The following CLK3 variants were observed in gnomAD, a reference collection of about 807,000 sequenced individuals.
CLK3 encodes dual specificity protein kinase CLK3.
Under a neutral mutation model 65.2 loss-of-function variants are expected in CLK3, and 24 were observed. That is an observed-to-expected ratio of 0.37 (90% confidence interval 0.27 to 0.52). The LOEUF is 0.52. Ranked by LOEUF, CLK3 falls within the 20% of genes least tolerant of loss-of-function variation. The pLI, the probability that CLK3 is intolerant of heterozygous loss-of-function variation, is 0.92. For missense variants in CLK3, 506 were observed against 660.0 expected, an observed-to-expected ratio of 0.77 and a Z score of 2.56; for synonymous variants, 252 against 240.8, an observed-to-expected ratio of 1.05 and a Z score of -0.43.
chr15:74,628,787 A>C, intron 11 of CLK3, 104 bp downstream of exon 11: 1 of 1,101,078 alleles, frequency 9.1e-7, no homozygotes, highest in East Asian at 2.4e-5. Flanking sequence ...TGGACAGTCC[A>C]TGGTTCCGCA....
chr15:74,622,302 G>C lies in CLK3; in HGVS notation c.466+86G>C. ...CCTCTCCTGCCTGGAGGGGCCTCTA[G>C]TGCGCGTGGTGCCTTAGCGGGGCCA... is the stretch of plus-strand genomic sequence containing the variant. On this transcript the variant is annotated intron_variant, in intron 4 of 12. Transcript: ENST00000395066. The surrounding 1 kb of genome is among the most constrained non-coding windows in gnomAD (Gnocchi z 4.6). The C allele has an allele frequency of 1.5e-6, 2 of 1,304,442 alleles. No homozygotes were observed. Among genetic ancestry groups the C allele is most frequent in the East Asian group, 2.3e-5 (1 of 42,846 alleles). 80.8% of individuals were successfully genotyped at this position (1,304,442 alleles called of 1,614,324 possible). A position where few individuals can be genotyped will look rare whatever the true frequency, so the allele number is the denominator to read the frequency against.
chr15:74,622,857 C>T lies in CLK3; in HGVS notation c.533+297C>T, dbSNP rs2062114451. The stretch of plus-strand genomic sequence containing the variant: ...TGTGGTGGTGGATATCAGAACAGGG[C>T]CAAGGCCCCGGCTCCCCTGTGGCTT... On this transcript the variant is annotated intron_variant, in intron 5 of 12. Coordinates refer to ENST00000395066, the MANE Select transcript of CLK3 (RefSeq NM_001130028.2). The surrounding 1 kb of genome is among the most constrained non-coding windows in gnomAD (Gnocchi z 4.6). Among the ~76,000 whole-genome samples the T allele has an allele frequency of 6.6e-6, 1 of 152,122 alleles. No homozygotes were observed. Among genetic ancestry groups the T allele is most frequent in the African/African-American group, 2.4e-5 (1 of 41,406 alleles).
intron 5 of CLK3, among the ~76,000 whole-genome samples, chr15:74,623,147 C>G (rs2062116709): frequency 6.6e-6 from 1 of 152,210 alleles, no homozygotes; most frequent in Admixed American, 6.5e-5. Flanking sequence ...ACCTCACTCT[C>G]TCCCAAGCCC....
At chr15:74,614,330 T>A (rs2062027897), upstream of CLK3, among the ~76,000 whole-genome samples, 1 of 152,174 alleles carries the variant, frequency 6.6e-6, no homozygotes. Context: ...TGTTTATTTT[T>A]TGAGACAGGG....
Position 74,622,318 on chromosome 15 carries a change from A to G in CLK3, c.466+102A>G. The G allele has an allele frequency of 8.5e-7, 1 of 1,170,038 alleles. No individual in the cohort carries two copies. Among genetic ancestry groups the G allele is most frequent in the Non-Finnish European group, 1.2e-6 (1 of 805,260 alleles). The allele number at this position is 1,170,038 out of a possible 1,614,324, so 72.5% of individuals were successfully genotyped here. ...GGGCCTCTAGTGCGCGTGGTGCCTTAGCGGGGCCACCAGTAATTGCCTGAA... is the reference window on the plus strand; with the variant it reads ...GGGCCTCTAGTGCGCGTGGTGCCTTGGCGGGGCCACCAGTAATTGCCTGAA... On this transcript the variant is annotated intron_variant, in intron 4 of 12. Transcript: ENST00000395066. The surrounding 1 kb of genome is among the most constrained non-coding windows in gnomAD (Gnocchi z 4.6).
At position 74,627,765 on chromosome 15, in the gene CLK3, G is replaced by C; in HGVS notation, c.1042+97G>C. On this transcript the variant is annotated intron_variant, in intron 9 of 12. Transcript: ENST00000395066. This position sits in a 1 kb window ranked among gnomAD's most constrained non-coding sequence, Gnocchi z 4.3. ...CATGCCTGTCATTCTCTGCCACCCA[G>C]GGCAGGCAGAGTTTCTCAGACCAAG... 6.5e-7 allele frequency: 1 copy of C among 1,545,916 alleles called. No homozygotes were observed. The highest frequency in any genetic ancestry group is 8.9e-7 in the Non-Finnish European group (1 of 1,126,892).
At chr15:74,625,226 C>T (rs1485400703) in intron 6 of CLK3, among the ~76,000 whole-genome samples, 8 of 152,140 alleles carry the variant, frequency 5.3e-5, no homozygotes, top group Admixed American at 5.2e-4. Context: ...GCCTCCCAGC[C>T]CTGCGTTTTG....
Position 74,627,926 on chromosome 15 carries a change from G to GT in CLK3, c.1043-44_1043-43insT. 2 of 1,479,368 alleles carry GT rather than the reference G, an allele frequency of 1.4e-6. No individual in the cohort carries two copies. The highest frequency in any genetic ancestry group is 1.9e-6 in the Non-Finnish European group (2 of 1,057,670). The allele number at this position is 1,479,368 out of a possible 1,614,324, so 91.6% of individuals were successfully genotyped here. A position where few individuals can be genotyped will look rare whatever the true frequency, so the allele number is the denominator to read the frequency against. On this transcript the variant is annotated intron_variant, in intron 9 of 12. Coordinates refer to ENST00000395066, the MANE Select transcript of CLK3 (RefSeq NM_001130028.2). The surrounding 1 kb of genome is among the most constrained non-coding windows in gnomAD (Gnocchi z 4.3). ...CTGCCTTGTGACTTCCAGGCTGGAA[G>GT]CATAAGGCCGGATCTCACAGCCTCT...
chr15:74,626,789 C>T (rs1419129073), intron 7 of CLK3, among the ~76,000 whole-genome samples: 1 of 152,128 alleles, frequency 6.6e-6, no homozygotes, highest in Admixed American at 6.5e-5. Context: ...TGACTACTAG[C>T]AAGAAGCCAC....
In CLK3 at chr15:74,629,037, GT is replaced by G; in HGVS notation, c.1296+8del. 2 of 1,608,274 alleles carry G rather than the reference GT, an allele frequency of 1.2e-6. No homozygotes were observed. The highest frequency in any genetic ancestry group is 1.7e-6 in the Non-Finnish European group (2 of 1,174,620). On this transcript the variant is annotated splice_donor_region_variant and intron_variant, in intron 12 of 12. Coordinates refer to ENST00000395066, the MANE Select transcript of CLK3 (RefSeq NM_001130028.2). Reference sequence around the variant, plus strand: ...GAGAACTGCAAACCTCTGAAGGTCAGTTTCTGGCTACCCCCAGCTGAACTCA... The same window carrying G: ...GAGAACTGCAAACCTCTGAAGGTCAGTTCTGGCTACCCCCAGCTGAACTCA...
In CLK3 at chr15:74,622,345, G is replaced by A; in HGVS notation, c.466+129G>A. The A allele has an allele frequency of 9.7e-7, 1 of 1,031,296 alleles. No individual in the cohort carries two copies. The highest frequency in any genetic ancestry group is 1.5e-6 in the Non-Finnish European group (1 of 684,460). The allele number at this position is 1,031,296 out of a possible 1,614,324, so 63.9% of individuals were successfully genotyped here. A position where few individuals can be genotyped will look rare whatever the true frequency, so the allele number is the denominator to read the frequency against. ...CGGGGCCACCAGTAATTGCCTGAAT[G>A]ACACAGACACTAGCAACTTCCATTT... On this transcript the variant is annotated intron_variant, in intron 4 of 12. Coordinates refer to ENST00000395066, the MANE Select transcript of CLK3 (RefSeq NM_001130028.2). This position sits in a 1 kb window ranked among gnomAD's most constrained non-coding sequence, Gnocchi z 4.6.
At chr15:74,611,290 T>C (rs778162806), upstream of CLK3, among the ~76,000 whole-genome samples, 5 of 152,216 alleles carry the variant, frequency 3.3e-5, no homozygotes, top group African/African-American at 4.8e-5. Flanking sequence ...GCACCAGATG[T>C]GGACACCAGC....
At chr15:74,619,014 C>T in intron 1 of CLK3, 183 bp from the exon 2 acceptor site, 2 of 651,654 alleles carry the variant, frequency 3.1e-6, no homozygotes, top group South Asian at 3.8e-5. Context: ...AAGTTGTTTC[C>T]TATTGTCTGC....
chr15:74,615,992 C>A, intron 1 of CLK3, 94 bp downstream of exon 1: 1 of 951,066 alleles, frequency 1.1e-6, no homozygotes, highest in Non-Finnish European at 1.4e-6. Flanking sequence ...TCGGTCTCGG[C>A]CTACTCCCTT....
upstream of CLK3, chr15:74,615,481 G>A (rs1277804333): frequency 1.5e-6 from 2 of 1,314,360 alleles, no homozygotes; most frequent in Non-Finnish European, 1.9e-6. Context: ...CGCGCAGGAG[G>A]GAGTTGGCGG....
At chr15:74,626,044 A>G in intron 7 of CLK3, 76 bp downstream of exon 7, 7 of 1,514,646 alleles carry the variant, frequency 4.6e-6, no homozygotes, top group Non-Finnish European at 6.4e-6. Context: ...TGTTGTCCCC[A>G]TTCATTCCAG....
chr15:74,627,239 G>C lies in CLK3; in HGVS notation c.818-113G>C. The C allele has an allele frequency of 1.2e-6, 1 of 817,920 alleles. No individual in the cohort carries two copies. The allele number at this position is 817,920 out of a possible 1,614,324, so 50.7% of individuals were successfully genotyped here. On this transcript the variant is annotated intron_variant, in intron 7 of 12. Coordinates refer to ENST00000395066, the MANE Select transcript of CLK3 (RefSeq NM_001130028.2). The surrounding 1 kb of genome is among the most constrained non-coding windows in gnomAD (Gnocchi z 4.3). ...CTGTAGTCCAGCTCCCTGCTGAGGT[G>C]GGGGTGTGAGGACCTCTGGCAGTTG...
At chr15:74,629,481 T>A in intron 12 of CLK3, 1 of 579,964 alleles carries the variant, frequency 1.7e-6, no homozygotes, top group Non-Finnish European at 3.1e-6. Flanking sequence ...GGCAGAGGCA[T>A]CAACCCAGCA....
In CLK3 at chr15:74,622,592, G is replaced by A. The variant is rs767143600; in HGVS notation, c.533+32G>A. On this transcript the variant is annotated intron_variant, in intron 5 of 12. Coordinates refer to ENST00000395066, the MANE Select transcript of CLK3 (RefSeq NM_001130028.2). This position sits in a 1 kb window ranked among gnomAD's most constrained non-coding sequence, Gnocchi z 4.6. ...GAGCTGCGGCAGTACAGCTGGCTCC[G>A]GATGTGATCTTCCTGGGAAGAGCTG... The A allele has an allele frequency of 5.7e-5, 88 of 1,549,272 alleles. 4 individuals carry two copies. Among genetic ancestry groups the A allele is most frequent in the South Asian group, 4.7e-4 (40 of 84,924 alleles).
Sources: gnomAD v4.1 joint callset for allele counts (sites outside exome capture counted in the v4.1 genomes callset) on GRCh38, gnomAD v4.1.1 for gene constraint, Gnocchi (gnomAD v3.1) non-coding constraint, MANE v1.5 for transcripts, NCBI Gene and HGNC (gene_info 2026-07-23, HGNC 2026-07-21) for gene names.